FGD2: variants seen among roughly 807,000 people sequenced by gnomAD.
The protein encoded by FGD2 is FYVE, RhoGEF and PH domain containing 2, also known as FYVE, RhoGEF and PH domain-containing protein 2.
In FGD2, 52 loss-of-function variants were observed where a neutral mutation model predicts 75.9. That is an observed-to-expected ratio of 0.69 (90% confidence interval 0.55 to 0.86). The LOEUF (loss-of-function observed/expected upper bound fraction) is 0.86, where lower values mean the gene tolerates loss of function less well. FGD2 is among the 40% of genes least tolerant of loss of function. FGD2 has a pLI of 0.00. For missense variants in FGD2, 790 were observed against 872.0 expected, an observed-to-expected ratio of 0.91 and a Z score of 1.18; for synonymous variants, 347 against 348.6, an observed-to-expected ratio of 1.00 and a Z score of 0.05.
In FGD2 at chr6:37,028,941, C is replaced by T. The variant is rs1170124790; in HGVS notation, c.*778C>T. ...ATTTTTTAAGAGTACCCACTGGAGT[C>T]TAATATATAGCCTGGGTTACCTGGG... On this transcript the variant is annotated 3_prime_UTR_variant, in exon 16 of 16. Coordinates refer to ENST00000274963, the MANE Select transcript of FGD2 (RefSeq NM_173558.4). The T allele has an allele frequency of 6.6e-6, 1 of 151,764 alleles. No individual in the cohort carries two copies. The highest frequency in any genetic ancestry group is 2.4e-5 in the African/African-American group (1 of 41,288). 9.4% of individuals were successfully genotyped at this position (151,764 alleles called of 1,614,324 possible).
rs1177924279 is a variant in FGD2, at chr6:37,014,296, G to A, written c.823+196G>A. On this transcript the variant is annotated intron_variant, in intron 6 of 15. Coordinates refer to ENST00000274963, the MANE Select transcript of FGD2 (RefSeq NM_173558.4). ...AAGGCCCAGAGAGGTTTAGTGACTTGCTCAAGGTCACGCAGCCAGAGAGTA... is the reference window on the plus strand; with the variant it reads ...AAGGCCCAGAGAGGTTTAGTGACTTACTCAAGGTCACGCAGCCAGAGAGTA... The A allele has an allele frequency of 8.5e-6, 6 of 704,564 alleles. No individual in the cohort carries two copies. In the African/African-American group the frequency reaches 9.0e-5, roughly 11 times the overall value. The allele number at this position is 704,564 out of a possible 1,614,324, so 43.6% of individuals were successfully genotyped here. A position where few individuals can be genotyped will look rare whatever the true frequency, so the allele number is the denominator to read the frequency against.
intron 10 of FGD2, 24 bp downstream of exon 10, chr6:37,020,644 C>A: frequency 6.3e-7 from 1 of 1,590,356 alleles, no homozygotes; most frequent in Non-Finnish European, 8.6e-7. Flanking sequence ...GGTGGCGGCC[C>A]AGGGCCAGGC....
intron 2 of FGD2, among the ~76,000 whole-genome samples, chr6:37,010,722 C>T (rs1273342581): frequency 6.6e-6 from 1 of 152,204 alleles, no homozygotes; most frequent in African/African-American, 2.4e-5. Flanking sequence ...TAGTGATTCA[C>T]AGCTCCCAAG....
chr6:37,009,921 G>A (rs566112490), intron 2 of FGD2: 198 of 151,604 alleles, frequency 1.3e-3, no homozygotes, highest in African/African-American at 4.6e-3. Flanking sequence ...GGCTGAGACA[G>A]GAGAATCACT....
Position 37,016,534 on chromosome 6 carries a change from A to ATTTT in FGD2, c.1122+688_1122+691dup, listed in dbSNP as rs59713417. ...TGCAGGGGCTGTTAGAATCTTCTGGATTTTTTTTTTTTTTTTTGAGACCGA... is the reference window on the plus strand; with the variant it reads ...TGCAGGGGCTGTTAGAATCTTCTGGATTTTTTTTTTTTTTTTTTTTTGAGACCGA... On this transcript the variant is annotated intron_variant, in intron 9 of 15. Transcript: ENST00000274963. Among the ~76,000 whole-genome samples, 766 of 136,746 alleles carry ATTTT rather than the reference A, an allele frequency of 5.6e-3. 13 individuals carry two copies. Among genetic ancestry groups the ATTTT allele is most frequent in the African/African-American group, 0.02 (728 of 36,496 alleles). The allele number at this position is 136,746 out of a possible 152,430, so 89.7% of individuals were successfully genotyped here. A position where few individuals can be genotyped will look rare whatever the true frequency, so the allele number is the denominator to read the frequency against.
At position 37,011,805 on chromosome 6, in the gene FGD2, T is replaced by A. The variant is rs770540521; in HGVS notation, c.478T>A (p.Phe160Ile). The A allele has an allele frequency of 1.9e-6, 3 of 1,614,100 alleles. No homozygotes were observed. The highest frequency in any genetic ancestry group is 1.1e-5 in the South Asian group (1 of 91,074). ...IFSNISSIYQ[F>I]HSQFFLPELQ... is the part of the protein sequence containing the mutation. ...CTCCAACATCTCCTCCATCTATCAG[T>A]TCCATTCTCAGTTCTTCCTCCCAGA... The change falls in exon 4 of 16, where the codon TTC becomes ATC. Residue 160 changes from phenylalanine (F) to isoleucine (I), a missense_variant. Transcript: ENST00000274963.
At chr6:37,014,229 C>A in intron 6 of FGD2, 129 bp downstream of exon 6, 1 of 1,136,888 alleles carries the variant, frequency 8.8e-7, no homozygotes, top group Non-Finnish European at 1.2e-6. Context: ...ACTTCATAGA[C>A]ATCATCCATA....
At chr6:37,015,949 T>G (rs920835994) in intron 9 of FGD2, 89 bp downstream of exon 9, 3 of 1,211,274 alleles carry the variant, frequency 2.5e-6, no homozygotes, top group Non-Finnish European at 3.5e-6. Flanking sequence ...AGGTTCTCAA[T>G]CACAGAACCA....
At chr6:37,019,469 T>A (rs531526983) in intron 9 of FGD2, among the ~76,000 whole-genome samples, 3 of 152,320 alleles carry the variant, frequency 2.0e-5, no homozygotes, top group Admixed American at 6.5e-5. Context: ...CCTGGAAGTG[T>A]GCAAAGGCCT....
intron 14 of FGD2, chr6:37,026,309 G>A: frequency 1.0e-6 from 1 of 985,440 alleles, no homozygotes; most frequent in South Asian, 4.7e-5. Flanking sequence ...TTACAGATGG[G>A]AACACTGACG....
intron 1 of FGD2, among the ~76,000 whole-genome samples, chr6:37,007,174 G>A (rs1764792963): frequency 2.0e-5 from 3 of 152,150 alleles, no homozygotes; most frequent in Non-Finnish European, 2.9e-5. Flanking sequence ...TGAGCTCATC[G>A]AATAACTATG....
chr6:37,010,493 G>A (rs981351973), intron 2 of FGD2, among the ~76,000 whole-genome samples: 26 of 152,326 alleles, frequency 1.7e-4, no homozygotes, highest in South Asian at 1.0e-3. Flanking sequence ...AGTTCCCAGC[G>A]GGATCTCTCA....
rs1409463575 is a variant in FGD2, at chr6:37,010,545, G to A, written c.301-428G>A. ...GGATGGCTGGGGCTGGAATGCCCAA[G>A]ACAGCTCAGCTCGCAAGTCTGGCAT... On this transcript the variant is annotated intron_variant, in intron 2 of 15. Transcript: ENST00000274963. Among the ~76,000 whole-genome samples, 9 of 152,202 alleles carry A rather than the reference G, an allele frequency of 5.9e-5. No homozygotes were observed. The East Asian group carries it at 1.5e-3, about 26-fold the overall frequency.
intron 8 of FGD2, 125 bp downstream of exon 8, chr6:37,015,163 G>C (rs1765223396): frequency 1.5e-6 from 2 of 1,324,186 alleles, no homozygotes; most frequent in Non-Finnish European, 2.0e-6. Context: ...ACGCTTCTCT[G>C]TCTTTTTCTG....
intron 9 of FGD2, among the ~76,000 whole-genome samples, chr6:37,017,768 C>A (rs985222331): frequency 1.5e-5 from 2 of 130,320 alleles, no homozygotes; most frequent in Non-Finnish European, 3.4e-5. Flanking sequence ...CCCTCTAGAG[C>A]CCCTGGGGCC....
chr6:37,014,818 C>T, intron 7 of FGD2, 74 bp from the exon 8 acceptor site: 2 of 1,609,170 alleles, frequency 1.2e-6, no homozygotes, highest in South Asian at 2.2e-5. Context: ...CAGTCCCCGT[C>T]CCCACAAGGC....
intron 11 of FGD2, among the ~76,000 whole-genome samples, chr6:37,021,069 T>A (rs1353892162): frequency 6.6e-6 from 1 of 151,800 alleles, no homozygotes; most frequent in Non-Finnish European, 1.5e-5. Context: ...TGTGCATGTG[T>A]TTGTGTGTAT....
rs386406733 is a variant in FGD2 at position 37,028,615 on chromosome 6, C to CTTTTTTTTTTTTTTTTTTTTTTTTTTT, written c.*469_*470insTTTTTTTTTTTTTTTTTTTTTTTTTTT. The stretch of plus-strand genomic sequence containing the variant: ...GGCTGAGTTGGGGGAGGCATGGGGT[C>CTTTTTTTTTTTTTTTTTTTTTTTTTTT]TTTTTTTTTTTTTTTTTGAGACAGA... On this transcript the variant is annotated 3_prime_UTR_variant, in exon 16 of 16. Coordinates refer to ENST00000274963, the MANE Select transcript of FGD2 (RefSeq NM_173558.4). 9.4e-4 allele frequency: 74 copies of CTTTTTTTTTTTTTTTTTTTTTTTTTTT among 78,996 alleles called. 19 individuals are homozygous for CTTTTTTTTTTTTTTTTTTTTTTTTTTT. Among genetic ancestry groups the CTTTTTTTTTTTTTTTTTTTTTTTTTTT allele is most frequent in the Non-Finnish European group, 1.2e-3 (55 of 44,264 alleles). 4.9% of individuals were successfully genotyped at this position (78,996 alleles called of 1,614,324 possible). A position where few individuals can be genotyped will look rare whatever the true frequency, so the allele number is the denominator to read the frequency against.
chr6:37,013,479 C>T (rs1204416689), intron 4 of FGD2, 130 bp from the exon 5 acceptor site: 1 of 1,464,272 alleles, frequency 6.8e-7, no homozygotes, highest in South Asian at 1.4e-5. Flanking sequence ...CACCCCCGTA[C>T]CCCGCCCACA....
Sources: gnomAD v4.1 joint callset for allele counts (sites outside exome capture counted in the v4.1 genomes callset) on GRCh38, gnomAD v4.1.1 for gene constraint, MANE v1.5 for transcripts, NCBI Gene and HGNC (gene_info 2026-07-23, HGNC 2026-07-21) for gene names.